The following LRP5 variants were observed in gnomAD, a reference collection of about 807,000 sequenced individuals.
LRP5 encodes low-density lipoprotein receptor-related protein 5.
A neutral mutation model predicts 154.1 loss-of-function variants in LRP5; 62 were observed. That is an observed-to-expected ratio of 0.40 (90% CI 0.33 to 0.50). LRP5 has a LOEUF of 0.50. Ranked by LOEUF, LRP5 falls within the 20% of genes least tolerant of loss-of-function variation. The pLI is 0.55. For missense variants in LRP5, 1,915 were observed against 2,336.7 expected (o/e 0.82, Z 3.72); for synonymous variants, 966 against 1,011.5 (o/e 0.96, Z 0.85).
chr11:68,301,358 C>T, the LRP5 span, among the ~76,000 whole-genome samples: 1 of 148,732 alleles, frequency 6.7e-6, no homozygotes, highest in Non-Finnish European at 1.5e-5. Flanking sequence ...CCTGTGGTCC[C>T]AGCTACTTTG....
At chr11:68,361,087 C>T (rs1415012661) in intron 3 of LRP5, among the ~76,000 whole-genome samples, 3 of 144,824 alleles carry the variant, frequency 2.1e-5, no homozygotes, top group Non-Finnish European at 3.0e-5. Context: ...GGGCGGATCA[C>T]GAGGTCAGGA....
chr11:68,388,790 G>A (rs961498073), intron 6 of LRP5, among the ~76,000 whole-genome samples: 5 of 152,198 alleles, frequency 3.3e-5, no homozygotes, highest in Non-Finnish European at 7.3e-5. Flanking sequence ...GCCCCTGAGA[G>A]TCCAAGGGCT....
In LRP5 at chr11:68,386,540, G is replaced by A. The variant is rs770664323; in HGVS notation, c.1240G>A (p.Glu414Lys). ...TGGGGCGCAGACGCTGGTCAACACC[G>A]AGATCAACGACCCCGATGGCATCGC... ...GSGAQTLVNT[E>K]INDPDGIAVD... The change falls in exon 6 of 23, where the codon GAG (glutamate) becomes AAG (lysine). Residue 414 changes from glutamate to lysine, a missense_variant. Glu to Lys is a moderately conservative substitution (Grantham distance 56). Around this residue, in one of 3 missense-constraint regions of LRP5, gnomAD observed 773 missense variants for 1,100.9 expected, o/e 0.70. Transcript: ENST00000294304. The surrounding 1 kb of genome is among the most constrained non-coding windows in gnomAD (Gnocchi z 7.9). 7 of 1,613,802 alleles carry A rather than the reference G, an allele frequency of 4.3e-6. No homozygotes were observed. Among genetic ancestry groups the A allele is most frequent in the Non-Finnish European group, 5.1e-6 (6 of 1,179,996 alleles).
intron 17 of LRP5, among the ~76,000 whole-genome samples, chr11:68,430,818 C>T (rs77935638): frequency 1.3e-5 from 2 of 152,164 alleles, no homozygotes; most frequent in Non-Finnish European, 2.9e-5. Flanking sequence ...AGAACCTGGA[C>T]TTTAGGGCCA....
intron 3 of LRP5, among the ~76,000 whole-genome samples, chr11:68,362,598 G>A (rs370207383): frequency 6.6e-6 from 1 of 151,928 alleles, no homozygotes; most frequent in Non-Finnish European, 1.5e-5. Flanking sequence ...GGCGGAGGTG[G>A]GAGAATCGCT....
At chr11:68,301,248 C>A in the LRP5 span, among the ~76,000 whole-genome samples, 1 of 149,408 alleles carries the variant, frequency 6.7e-6, no homozygotes. Flanking sequence ...CACCCAGCCT[C>A]ATAATTTTAT....
chr11:68,411,524 G>A lies in LRP5; in HGVS notation c.2407G>A (p.Val803Met). Residue 803 changes from valine (V) to methionine (M), a missense_variant, in exon 11 of 23, where the codon GTG (valine) becomes ATG (methionine). Around this residue, in one of 3 missense-constraint regions of LRP5, gnomAD observed 1,094 missense variants for 1,210.1 expected, o/e 0.90. Coordinates refer to ENST00000294304, the MANE Select transcript of LRP5 (RefSeq NM_002335.4). Reference sequence around the variant, plus strand: ...CAACTGCATGACGCTGGTGGACAAGGTGGGCCGGGCCAACGACCTCACCAT... The same window carrying A: ...CAACTGCATGACGCTGGTGGACAAGATGGGCCGGGCCAACGACCTCACCAT... ...GTNCMTLVDKVGRANDLTIDY... is the reference protein window; with the variant it reads ...GTNCMTLVDKMGRANDLTIDY... The A allele has an allele frequency of 1.9e-6, 3 of 1,613,794 alleles. No homozygotes were observed. The highest frequency in any genetic ancestry group is 2.2e-5 in the South Asian group (2 of 91,076).
chr11:68,433,887 C>T lies in LRP5; in HGVS notation c.4000+49C>T, dbSNP rs375245638. On this transcript the variant is annotated intron_variant, in intron 18 of 22. Transcript: ENST00000294304. ...CTGCCAAGACCCTGGCCCTGCCCTC[C>T]GGGATACGAGCTTGGGGCTGCCTCC... The T allele has an allele frequency of 1.1e-3, 1,698 of 1,564,388 alleles. 1 individual carries two copies. The highest frequency in any genetic ancestry group is 1.4e-3 in the Non-Finnish European group (1,635 of 1,146,118).
the LRP5 span, among the ~76,000 whole-genome samples, chr11:68,301,576 A>G: frequency 4.7e-5 from 7 of 149,314 alleles, no homozygotes; most frequent in Non-Finnish European, 9.1e-5. Flanking sequence ...CTGCCACAGA[A>G]ACAGAATCAT....
intron 2 of LRP5, among the ~76,000 whole-genome samples, chr11:68,350,117 A>G (rs982595173): frequency 3.9e-5 from 6 of 151,972 alleles, no homozygotes; most frequent in African/African-American, 1.5e-4. Context: ...GCTCACTGCA[A>G]CCTCCACCTC....
intron 1 of LRP5, among the ~76,000 whole-genome samples, chr11:68,314,847 C>G (rs1471904962): frequency 6.6e-6 from 1 of 152,228 alleles, no homozygotes; most frequent in African/African-American, 2.4e-5. Flanking sequence ...AGCAGGGCCC[C>G]GTGTGTTTAG....
chr11:68,299,822 A>T, the LRP5 span, among the ~76,000 whole-genome samples: 4 of 148,908 alleles, frequency 2.7e-5, no homozygotes, highest in South Asian at 2.1e-4. Flanking sequence ...ACCTCAAGTG[A>T]TCCGCCCGCC....
chr11:68,396,623 C>T (rs1393281406), intron 7 of LRP5, among the ~76,000 whole-genome samples: 4 of 152,290 alleles, frequency 2.6e-5, no homozygotes, highest in Admixed American at 1.3e-4. Flanking sequence ...CAGAGTGGAG[C>T]GGAGACGGCG....
chr11:68,308,307 C>A (rs2098585196), upstream of LRP5, among the ~76,000 whole-genome samples: 1 of 152,234 alleles, frequency 6.6e-6, no homozygotes. Flanking sequence ...ACGTTCCAGC[C>A]TGGGAGGGAA....
intron 13 of LRP5, among the ~76,000 whole-genome samples, chr11:68,420,962 C>T (rs1055822935): frequency 6.6e-6 from 1 of 152,148 alleles, no homozygotes. Flanking sequence ...CGCGGTGGCT[C>T]ACGCCTGTAA....
intron 7 of LRP5, among the ~76,000 whole-genome samples, chr11:68,395,784 C>T (rs1304398513): frequency 1.3e-5 from 2 of 152,114 alleles, no homozygotes; most frequent in Non-Finnish European, 2.9e-5. Flanking sequence ...CGGGACACCT[C>T]GGATGTGCCC....
intron 18 of LRP5, among the ~76,000 whole-genome samples, chr11:68,435,474 G>A (rs970654156): frequency 2.1e-5 from 3 of 141,282 alleles, no homozygotes; most frequent in Admixed American, 7.0e-5. Context: ...TGGTGAGAGA[G>A]GGAGCAACGG....
intron 1 of LRP5, among the ~76,000 whole-genome samples, chr11:68,345,690 C>T (rs971565918): frequency 3.3e-5 from 5 of 152,128 alleles, no homozygotes; most frequent in Non-Finnish European, 5.9e-5. Flanking sequence ...TAACCCAAAG[C>T]GAAATTGCTG....
chr11:68,374,217 T>C (rs553397801), intron 5 of LRP5, among the ~76,000 whole-genome samples: 1 of 152,264 alleles, frequency 6.6e-6, no homozygotes, highest in East Asian at 1.9e-4. Context: ...GCCCCTCACG[T>C]CCCTCCGTCT....
Sources: allele counts gnomAD v4.1 joint callset (sites outside exome capture counted in the v4.1 genomes callset), GRCh38; gene constraint gnomAD v4.1.1; regional missense constraint gnomAD v4.1.1; non-coding constraint Gnocchi (gnomAD v3.1); transcripts MANE v1.5; gene names NCBI Gene and HGNC (gene_info 2026-07-23, HGNC 2026-07-21).